ANO2: variants seen among roughly 807,000 people sequenced by gnomAD.
ANO2 encodes anoctamin 2.
ANO2 carries 101 observed loss-of-function variants against 124.2 expected under a neutral mutation model. The observed-to-expected ratio is 0.81, with a 90% confidence interval of 0.69 to 0.96. ANO2 has a LOEUF of 0.96. Among genes scored for constraint, ANO2 ranks in the 40% least tolerant of loss-of-function variants. The pLI, the probability that ANO2 is intolerant of heterozygous loss-of-function variation, is 0.00. For synonymous variants in ANO2, 486 were observed against 482.5 expected, an observed-to-expected ratio of 1.01 and a Z score of -0.09; for missense variants, 1,293 against 1,274.5, an observed-to-expected ratio of 1.01 and a Z score of -0.22.
In ANO2 at chr12:5,612,736, G is replaced by A. The variant is rs1944604848; in HGVS notation, c.2007C>T (p.Leu669=). The change falls in exon 19 of 25, where the codon CTC becomes CTT. Residue 669 remains leucine (L), a synonymous_variant. Coordinates refer to ENST00000682330, the MANE Select transcript of ANO2 (RefSeq NM_001364791.2). ...TGCTGAGCTGAATGCAGAGCTCCAT[G>A]AGACAGCCCCCTGGAGCACACTGCA... ...RMEECAPGGC[L]MELCIQLSII... is the part of the protein sequence containing the mutation. The A allele has an allele frequency of 1.1e-5, 18 of 1,613,872 alleles. No homozygotes were observed. Among genetic ancestry groups the A allele is most frequent in the Non-Finnish European group, 1.4e-5 (16 of 1,179,840 alleles).
At chr12:5,637,760 T>C (rs1591792431) in intron 15 of ANO2, among the ~76,000 whole-genome samples, 1 of 152,184 alleles carries the variant, frequency 6.6e-6, no homozygotes, top group Non-Finnish European at 1.5e-5. Context: ...TTCAGCTCTC[T>C]GGTTCTTTGC....
At chr12:5,826,102 A>G (rs1307763720) in intron 7 of ANO2, among the ~76,000 whole-genome samples, 1 of 152,206 alleles carries the variant, frequency 6.6e-6, no homozygotes, top group Non-Finnish European at 1.5e-5. Flanking sequence ...TTATCAAGTG[A>G]CATAAGATTT....
chr12:5,851,936 G>T, intron 4 of ANO2: 1 of 741,504 alleles, frequency 1.3e-6, no homozygotes, highest in Middle Eastern at 2.3e-4. Flanking sequence ...ATCATAACAT[G>T]GGCATTAGAG....
chr12:5,841,825 A>C (rs7137761), intron 4 of ANO2, among the ~76,000 whole-genome samples: 148,758 of 152,338 alleles, frequency 0.98, 72,740 homozygotes, highest in East Asian at 1. Context: ...TCTTGTCATA[A>C]CCCAGTCTTT....
chr12:5,937,103 T>C (rs1942681757), intron 1 of ANO2, among the ~76,000 whole-genome samples: 2 of 149,626 alleles, frequency 1.3e-5, no homozygotes, highest in Admixed American at 1.3e-4. Flanking sequence ...GGTCATATGG[T>C]GGTTCCATTT....
chr12:5,782,787 A>G (rs1357872270), intron 10 of ANO2, among the ~76,000 whole-genome samples: 2 of 152,228 alleles, frequency 1.3e-5, no homozygotes, highest in African/African-American at 4.8e-5. Context: ...CTATAAGGCA[A>G]CAGGGTATGT....
chr12:5,897,082 G>C (rs1486356402), intron 3 of ANO2, among the ~76,000 whole-genome samples: 4 of 152,062 alleles, frequency 2.6e-5, no homozygotes, highest in Admixed American at 2.6e-4. Flanking sequence ...CTAGGGATGA[G>C]CTTTGAAAAG....
intron 10 of ANO2, among the ~76,000 whole-genome samples, chr12:5,794,149 T>C (rs1231482754): frequency 2.0e-5 from 3 of 152,204 alleles, no homozygotes; most frequent in Non-Finnish European, 4.4e-5. Flanking sequence ...GCCTATGAGG[T>C]ATTATTTCCT....
At position 5,677,676 on chromosome 12, in the gene ANO2, T is replaced by C. The variant is rs114824742; in HGVS notation, c.1546-29875A>G. On this transcript the variant is annotated intron_variant, in intron 14 of 24. Transcript: ENST00000682330. ...ACCCATGCCTACTGGAGGTCAAGCA[T>C]TGGGAGAGAGGAAGGCTCAGCTACC... 6.3e-3 allele frequency among the ~76,000 whole-genome samples: 966 copies of C among 152,232 alleles called. 13 individuals are homozygous for C. The highest frequency in any genetic ancestry group is 0.021 in the African/African-American group (890 of 41,546).
intron 14 of ANO2, among the ~76,000 whole-genome samples, chr12:5,650,415 C>T (rs1946862808): frequency 6.6e-6 from 1 of 152,126 alleles, no homozygotes; most frequent in African/African-American, 2.4e-5. Context: ...CATTGGTGAT[C>T]TCTTTTTTCT....
intron 1 of ANO2, 105 bp downstream of exon 1, chr12:5,945,091 G>A: frequency 1.8e-6 from 2 of 1,109,816 alleles, no homozygotes; most frequent in Non-Finnish European, 2.4e-6. Context: ...AGGCTCCCTT[G>A]GGGGTCCCCA....
chr12:5,692,690 G>C (rs534794636), intron 14 of ANO2, among the ~76,000 whole-genome samples: 1 of 152,126 alleles, frequency 6.6e-6, no homozygotes, highest in Non-Finnish European at 1.5e-5. Flanking sequence ...CCTGCATCAA[G>C]AAACAGCCTG....
chr12:5,738,526 G>T (rs1283290515), intron 13 of ANO2, among the ~76,000 whole-genome samples: 4 of 152,156 alleles, frequency 2.6e-5, no homozygotes, highest in Non-Finnish European at 4.4e-5. Flanking sequence ...GGCACCTGGT[G>T]TCAGGAGGCC....
At chr12:5,802,774 T>C (rs1953080736) in intron 9 of ANO2, among the ~76,000 whole-genome samples, 1 of 152,224 alleles carries the variant, frequency 6.6e-6, no homozygotes, top group South Asian at 2.1e-4. Context: ...CTTCACCAAC[T>C]GGCAAAGCTA....
At chr12:5,661,335 T>G (rs1404559090) in intron 14 of ANO2, among the ~76,000 whole-genome samples, 1 of 152,218 alleles carries the variant, frequency 6.6e-6, no homozygotes, top group Non-Finnish European at 1.5e-5. Flanking sequence ...TTTAAAGTTC[T>G]TGATGAAATC....
intron 10 of ANO2, among the ~76,000 whole-genome samples, chr12:5,773,452 G>A (rs140742705): frequency 1.4e-3 from 207 of 152,320 alleles, no homozygotes; most frequent in Middle Eastern, 6.8e-3. Flanking sequence ...CAGCAAGACA[G>A]AGCCGCAATT....
intron 14 of ANO2, among the ~76,000 whole-genome samples, chr12:5,692,022 G>A (rs1170843996): frequency 2.6e-5 from 4 of 152,194 alleles, no homozygotes; most frequent in African/African-American, 9.7e-5. Context: ...TCTCTGGTGG[G>A]TTTTATGTGG....
chr12:5,841,189 G>A (rs1447334921), intron 4 of ANO2, among the ~76,000 whole-genome samples: 3 of 152,206 alleles, frequency 2.0e-5, no homozygotes, highest in Non-Finnish European at 2.9e-5. Flanking sequence ...GCATGCAAGA[G>A]AGCATTAAGC....
At chr12:5,620,064 AAC>A (rs911672828) in intron 16 of ANO2, among the ~76,000 whole-genome samples, 4 of 152,228 alleles carry the variant, frequency 2.6e-5, no homozygotes, top group Admixed American at 2.0e-4. Context: ...GTTTGAGAGA[AAC>A]AGTGTTTGAG....
Sources: gnomAD v4.1 joint callset for allele counts (sites outside exome capture counted in the v4.1 genomes callset) on GRCh38, gnomAD v4.1.1 for gene constraint, MANE v1.5 for transcripts, NCBI Gene and HGNC (gene_info 2026-07-23, HGNC 2026-07-21) for gene names.